LARGE1: variants seen among roughly 807,000 people sequenced by gnomAD.
LARGE1 encodes the protein LARGE xylosyl- and glucuronyltransferase 1.
A neutral mutation model predicts 87.6 loss-of-function variants in LARGE1; 43 were observed. The observed-to-expected ratio is 0.49, with a 90% CI of 0.38 to 0.63. The LOEUF (loss-of-function observed/expected upper bound fraction) is 0.63, where lower values mean the gene tolerates loss of function less well. Among genes scored for constraint, LARGE1 ranks in the 30% least tolerant of loss-of-function variants. The probability of loss-of-function intolerance (pLI) is 0.00; values close to 1 mark genes in which losing one functional copy is unlikely to be tolerated. For missense variants in LARGE1, 802 were observed against 1,000.2 expected, an observed-to-expected ratio of 0.80 and a Z score of 2.67; for synonymous variants, 434 against 394.6, an observed-to-expected ratio of 1.10 and a Z score of -1.18.
At chr22:33,829,913 T>C (rs1346350099) in intron 1 of LARGE1, among the ~76,000 whole-genome samples, 1 of 152,138 alleles carries the variant, frequency 6.6e-6, no homozygotes, top group Non-Finnish European at 1.5e-5. Context: ...CACCATTCCC[T>C]ACAAGGGTGA....
At chr22:33,283,540 C>T (rs1001720666) in intron 12 of LARGE1, among the ~76,000 whole-genome samples, 192 bp from the exon 13 acceptor site, 3 of 152,162 alleles carry the variant, frequency 2.0e-5, no homozygotes, top group South Asian at 2.1e-4. Flanking sequence ...TTTGAGAGGC[C>T]GAGGCAGGAG....
chr22:33,809,553 T>C (rs1457331711), intron 1 of LARGE1, among the ~76,000 whole-genome samples: 2 of 152,218 alleles, frequency 1.3e-5, no homozygotes, highest in African/African-American at 4.8e-5. Flanking sequence ...GGGCCTCACA[T>C]TCTGCATGTC....
At chr22:33,831,436 T>A (rs534814056) in intron 1 of LARGE1, among the ~76,000 whole-genome samples, 1 of 152,200 alleles carries the variant, frequency 6.6e-6, no homozygotes, top group African/African-American at 2.4e-5. Context: ...AGCTGGAAGA[T>A]GTCAGGTGAG....
At chr22:33,171,334 A>G (rs1182887626) in intron 11 of LARGE1, among the ~76,000 whole-genome samples, 1 of 152,202 alleles carries the variant, frequency 6.6e-6, no homozygotes, top group Non-Finnish European at 1.5e-5. Flanking sequence ...ACAAAAACCC[A>G]TTTTCTGTGG....
chr22:33,457,172 G>A lies in LARGE1; in HGVS notation c.788-24907C>T, dbSNP rs116799204. Among the ~76,000 whole-genome samples the A allele has an allele frequency of 9.2e-3, 1,403 of 152,162 alleles. 13 individuals carry two copies. Among genetic ancestry groups the A allele is most frequent in the African/African-American group, 0.032 (1,346 of 41,500 alleles). On this transcript the variant is annotated intron_variant, in intron 6 of 14. Coordinates refer to ENST00000397394, the MANE Select transcript of LARGE1 (RefSeq NM_133642.5). ...GGCATCTTACTCTGTCACCCAGGGTGGATGGAGTGCAGTGGCGTGATCTTG... is the reference window on the plus strand; with the variant it reads ...GGCATCTTACTCTGTCACCCAGGGTAGATGGAGTGCAGTGGCGTGATCTTG...
At chr22:33,842,958 A>AAAACAAAAC (rs2063324912) in intron 1 of LARGE1, among the ~76,000 whole-genome samples, 3 of 140,368 alleles carry the variant, frequency 2.1e-5, no homozygotes, top group Admixed American at 6.9e-5. Context: ...CAAAACAAAA[A>AAAACAAAAC]AACCACAACA....
chr22:33,749,145 G>A (rs1475645874), intron 2 of LARGE1, among the ~76,000 whole-genome samples: 2 of 152,078 alleles, frequency 1.3e-5, no homozygotes, highest in Admixed American at 6.6e-5. Flanking sequence ...ATGGAGTTTC[G>A]CTCTTGTTGC....
chr22:33,793,545 C>A (rs931529798), intron 1 of LARGE1, among the ~76,000 whole-genome samples: 2 of 152,196 alleles, frequency 1.3e-5, no homozygotes, highest in African/African-American at 4.8e-5. Flanking sequence ...ACTCCCAAAC[C>A]TGAAACCCGG....
intron 10 of LARGE1, among the ~76,000 whole-genome samples, chr22:33,335,070 G>A (rs1465630478): frequency 1.3e-5 from 2 of 152,192 alleles, no homozygotes; most frequent in African/African-American, 4.8e-5. Flanking sequence ...ATTAACTGAC[G>A]GCTTCATCCT....
At chr22:33,662,622 A>G (rs560841001) in intron 2 of LARGE1, among the ~76,000 whole-genome samples, 1 of 152,310 alleles carries the variant, frequency 6.6e-6, no homozygotes, top group East Asian at 1.9e-4. Flanking sequence ...AGAGGAATAG[A>G]AAGAGCTAGT....
At chr22:33,224,570 T>C (rs985447429) in intron 11 of LARGE1, among the ~76,000 whole-genome samples, 3 of 152,308 alleles carry the variant, frequency 2.0e-5, no homozygotes, top group Admixed American at 6.5e-5. Flanking sequence ...CCAAGTACCA[T>C]GGAAAACCAT....
At chr22:33,829,013 T>TTTC (rs1555881072) in intron 1 of LARGE1, among the ~76,000 whole-genome samples, 107 of 140,990 alleles carry the variant, frequency 7.6e-4, no homozygotes, top group African/African-American at 2.9e-3. Context: ...TTTCTTTTTT[T>TTTC]TTTTTTTTTT....
At chr22:33,837,388 A>ATATCC (rs1489718862) in intron 1 of LARGE1, among the ~76,000 whole-genome samples, 1 of 152,134 alleles carries the variant, frequency 6.6e-6, no homozygotes, top group Non-Finnish European at 1.5e-5. Flanking sequence ...GTATGTATAT[A>ATATCC]TATCCTGTCC....
the LARGE1 span, among the ~76,000 whole-genome samples, chr22:33,080,720 C>G: frequency 9.9e-5 from 15 of 152,056 alleles, no homozygotes; most frequent in Non-Finnish European, 2.2e-4. Context: ...GTAACTTGCC[C>G]AAAGTTACAT....
intron 9 of LARGE1, among the ~76,000 whole-genome samples, chr22:33,362,521 C>T (rs1157330446): frequency 1.3e-5 from 2 of 149,728 alleles, no homozygotes; most frequent in African/African-American, 4.9e-5. Context: ...TCCATGGACA[C>T]CTAGGGCAAA....
At chr22:33,088,271 C>A in the LARGE1 span, among the ~76,000 whole-genome samples, 2 of 152,080 alleles carry the variant, frequency 1.3e-5, no homozygotes, top group Non-Finnish European at 2.9e-5. Context: ...TTGACGGCAG[C>A]ATGGCATCAT....
intron 12 of LARGE1, among the ~76,000 whole-genome samples, chr22:33,292,243 A>C (rs927028740): frequency 1.4e-4 from 22 of 152,212 alleles, no homozygotes; most frequent in African/African-American, 5.1e-4. Context: ...AAAATTACCC[A>C]GTCTCCAGTA....
intron 5 of LARGE1, among the ~76,000 whole-genome samples, chr22:33,604,151 AC>A (rs1463307226): frequency 1.3e-5 from 2 of 152,194 alleles, no homozygotes; most frequent in South Asian, 2.1e-4. Flanking sequence ...GATGACAGCT[AC>A]CATAGACCAC....
At position 33,527,958 on chromosome 22, in the gene LARGE1, G is replaced by T. The variant is rs1277246004; in HGVS notation, c.787+36890C>A. On this transcript the variant is annotated intron_variant, in intron 6 of 14. Transcript: ENST00000397394. ...ACTTGAACAGATCTTAATCTTTCAG[G>T]GTCCCCCAGATTTTCTGCTCTGTAA... Among the ~76,000 whole-genome samples the T allele has an allele frequency of 2.6e-5, 4 of 151,982 alleles. No homozygotes were observed. The East Asian group carries it at 5.8e-4, about 22-fold the overall frequency.
Sources: allele counts gnomAD v4.1 joint callset (sites outside exome capture counted in the v4.1 genomes callset), GRCh38; gene constraint gnomAD v4.1.1; transcripts MANE v1.5; gene names NCBI Gene and HGNC (gene_info 2026-07-23, HGNC 2026-07-21).